PCDH11X: variants seen among roughly 807,000 people sequenced by gnomAD.
PCDH11X encodes protocadherin 11 X-linked.
In PCDH11X, 18 loss-of-function variants were observed where a neutral mutation model predicts 53.3. The ratio of observed to expected loss-of-function variants is 0.34; its 90% confidence interval spans 0.23 to 0.50. The LOEUF is 0.50. Among genes scored for constraint, PCDH11X ranks in the 20% least tolerant of loss-of-function variants. PCDH11X has a pLI of 0.98. For missense variants in PCDH11X, 570 were observed against 1,032.4 expected, an observed-to-expected ratio of 0.55 and a Z score of 6.14; for synonymous variants, 279 against 393.3, an observed-to-expected ratio of 0.71 and a Z score of 3.44.
intron 7 of PCDH11X, among the ~76,000 whole-genome samples, chrX:92,208,630 A>G: frequency 1.0e-5 from 1 of 100,502 alleles, no homozygotes; most frequent in East Asian, 3.1e-4. Context: ...CATATGATAA[A>G]GTAAGATGAT....
At chrX:92,102,333 C>T (rs2064276116) in intron 6 of PCDH11X, among the ~76,000 whole-genome samples, 1 of 107,224 alleles carries the variant, frequency 9.3e-6, no homozygotes, top group African/African-American at 3.4e-5. Context: ...AGCCTCTGTA[C>T]GCAGACCTGA....
rs369619192 is a variant in PCDH11X, at chrX:91,866,327, G to A, written c.541-10454G>A. On this transcript the variant is annotated intron_variant, in intron 5 of 10. Transcript: ENST00000682573. ...TTGCCTAAGAGTTGTAGTCCTTATG[G>A]TCTAGGCTGCCTTTTAAGTTTACTT... Among the ~76,000 whole-genome samples the A allele has an allele frequency of 3.6e-5, 4 of 111,139 alleles. No homozygotes were observed. The East Asian group carries it at 8.6e-4, about 24-fold the overall frequency.
intron 6 of PCDH11X, among the ~76,000 whole-genome samples, chrX:91,930,497 A>T: frequency 9.4e-6 from 1 of 106,405 alleles, no homozygotes. Flanking sequence ...GGTCCTCTCC[A>T]AATATATATA....
intron 9 of PCDH11X, among the ~76,000 whole-genome samples, chrX:92,425,099 C>T (rs1405043722): frequency 9.4e-6 from 1 of 106,180 alleles, no homozygotes; most frequent in Non-Finnish European, 2.0e-5. Flanking sequence ...CTGGGACAAA[C>T]TGTCGTTATC....
intron 7 of PCDH11X, among the ~76,000 whole-genome samples, chrX:92,232,450 A>G (rs1315971864): frequency 1.8e-5 from 2 of 111,924 alleles, no homozygotes; most frequent in Non-Finnish European, 3.8e-5. Context: ...TGCCCTGTAT[A>G]TACTTAATGC....
chrX:92,317,381 C>T (rs60443902), intron 8 of PCDH11X, among the ~76,000 whole-genome samples: 13,298 of 110,238 alleles, frequency 0.12, 583 homozygotes, highest in Middle Eastern at 0.17. Context: ...CAAATATGAA[C>T]CTTTCTGTTT....
chrX:91,970,056 T>C (rs1202999374), intron 6 of PCDH11X, among the ~76,000 whole-genome samples: 2 of 111,090 alleles, frequency 1.8e-5, no homozygotes, highest in African/African-American at 6.6e-5. Flanking sequence ...ACAGTGAGTG[T>C]TACAGCTCAT....
At chrX:92,217,841 A>G (rs900562616) in intron 7 of PCDH11X, among the ~76,000 whole-genome samples, 1 of 111,504 alleles carries the variant, frequency 9.0e-6, no homozygotes, top group Non-Finnish European at 1.9e-5. Context: ...AACAGAAATT[A>G]TAACAAACTG....
chrX:92,015,007 C>A (rs1412868684), intron 6 of PCDH11X, among the ~76,000 whole-genome samples: 1 of 110,840 alleles, frequency 9.0e-6, no homozygotes, highest in Non-Finnish European at 1.9e-5. Flanking sequence ...GCATGTTGTG[C>A]ACATGTACCC....
At chrX:92,600,963 C>T (rs868608285) in intron 10 of PCDH11X, among the ~76,000 whole-genome samples, 2 of 110,472 alleles carry the variant, frequency 1.8e-5, no homozygotes, top group African/African-American at 6.6e-5. Context: ...TTCACATTTT[C>T]ATGAGGCCTG....
Position 92,463,397 on chromosome X carries a change from A to G in PCDH11X, c.3344-4902A>G, listed in dbSNP as rs774221833. Among the ~76,000 whole-genome samples, 20 of 110,242 alleles carry G rather than the reference A, an allele frequency of 1.8e-4. No homozygotes were observed. The East Asian group carries it at 4.6e-3, about 25-fold the overall frequency. On this transcript the variant is annotated intron_variant, in intron 9 of 10. Coordinates refer to ENST00000682573, the MANE Select transcript of PCDH11X (RefSeq NM_032968.5). ...TGATCTGTTGATACTCCCTGCAATA[A>G]AAGTTTTCCTTGAGCAAATAGTTTT... is the stretch of plus-strand genomic sequence containing the variant.
intron 8 of PCDH11X, among the ~76,000 whole-genome samples, chrX:92,278,061 C>T (rs957877647): frequency 9.1e-6 from 1 of 109,946 alleles, no homozygotes; most frequent in Non-Finnish European, 1.9e-5. Flanking sequence ...AGTTTTGGGT[C>T]CATGGATAAA....
Position 92,562,094 on chromosome X carries a change from T to C in PCDH11X, c.3368-56170T>C, listed in dbSNP as rs1398944407. 5.8e-4 allele frequency among the ~76,000 whole-genome samples: 50 copies of C among 86,501 alleles called. 1 individual carries two copies. Among genetic ancestry groups the C allele is most frequent in the Non-Finnish European group, 9.5e-4 (42 of 44,131 alleles). 75.1% of individuals were successfully genotyped at this position (86,501 alleles called of 115,157 possible). The stretch of plus-strand genomic sequence containing the variant: ...GGTTCTGGGGAGACATCAGGAAACT[T>C]ACCATCATAGCAAAAGGCAAAGGGG... On this transcript the variant is annotated intron_variant, in intron 10 of 10. Coordinates refer to ENST00000682573, the MANE Select transcript of PCDH11X (RefSeq NM_032968.5).
intron 9 of PCDH11X, among the ~76,000 whole-genome samples, chrX:92,409,757 A>T (rs1274092297): frequency 8.9e-6 from 1 of 112,070 alleles, no homozygotes; most frequent in Non-Finnish European, 1.9e-5. Context: ...TTGGTTCTTA[A>T]CTGTATTTGA....
chrX:92,286,299 G>A (rs1221064537), intron 8 of PCDH11X, among the ~76,000 whole-genome samples: 1 of 109,204 alleles, frequency 9.2e-6, no homozygotes, highest in East Asian at 2.9e-4. Context: ...TTTAATGTTG[G>A]TGCATACAAA....
At chrX:92,472,082 G>T (rs1412027727) in intron 10 of PCDH11X, among the ~76,000 whole-genome samples, 4 of 109,721 alleles carry the variant, frequency 3.6e-5, no homozygotes, top group African/African-American at 9.9e-5. Context: ...GTTTATTTTT[G>T]CTATGAAGCA....
At chrX:92,271,497 T>A (rs2067957961) in intron 8 of PCDH11X, among the ~76,000 whole-genome samples, 1 of 111,780 alleles carries the variant, frequency 8.9e-6, no homozygotes, top group South Asian at 3.7e-4. Context: ...CGTTACAGAT[T>A]TTTGGAGGGG....
Position 92,447,203 on chromosome X carries a change from A to T in PCDH11X, c.3344-21096A>T, listed in dbSNP as rs763643765. Among the ~76,000 whole-genome samples, 27 of 111,816 alleles carry T rather than the reference A, an allele frequency of 2.4e-4. No homozygotes were observed. The Middle Eastern group carries it at 0.014, about 57-fold the overall frequency. On this transcript the variant is annotated intron_variant, in intron 9 of 10. Transcript: ENST00000682573. ...AAAGAATTTACTATTTTTTGAGGAG[A>T]AATGAAAGCCAATTGTAGAAATTTG...
At chrX:92,222,442 C>T (rs2066899185) in intron 7 of PCDH11X, among the ~76,000 whole-genome samples, 1 of 111,238 alleles carries the variant, frequency 9.0e-6, no homozygotes, top group Non-Finnish European at 1.9e-5. Flanking sequence ...GATAGTTCTC[C>T]CCTGCTGTTG....
Sources: allele counts gnomAD v4.1 joint callset (sites outside exome capture counted in the v4.1 genomes callset), GRCh38; gene constraint gnomAD v4.1.1; transcripts MANE v1.5; gene names NCBI Gene and HGNC (gene_info 2026-07-23, HGNC 2026-07-21).